The following MLLT6 variants were observed in gnomAD, a reference collection of about 807,000 sequenced individuals.
MLLT6 encodes the protein protein AF-17.
A neutral mutation model predicts 103.0 loss-of-function variants in MLLT6; 22 were observed. That is an observed-to-expected ratio of 0.21 (90% confidence interval 0.15 to 0.31). MLLT6 has a LOEUF of 0.31. Among genes scored for constraint, MLLT6 ranks in the 10% least tolerant of loss-of-function variants. MLLT6 has a pLI of 1.00. For synonymous variants in MLLT6, 606 were observed against 623.5 expected (o/e 0.97, Z 0.42); for missense variants, 1,199 against 1,441.7 (o/e 0.83, Z 2.73).
At chr17:38,720,126 C>A in intron 14 of MLLT6, 1 of 704,964 alleles carries the variant, frequency 1.4e-6, no homozygotes, top group Non-Finnish European at 2.3e-6. Context: ...CTTACCAAAC[C>A]GCAACTTCCG....
At position 38,716,571 on chromosome 17, in the gene MLLT6, C is replaced by G. The variant is rs762854086; in HGVS notation, c.1241C>G (p.Ser414Cys). The change falls in exon 10 of 20, where the codon TCC becomes TGC. Residue 414 changes from serine (S) to cysteine (C), a missense_variant. Transcript: ENST00000621332. This position sits in a 1 kb window ranked among gnomAD's most constrained non-coding sequence, Gnocchi z 5.6. ...ATCATGCGCTTCTCCACCACCACCT[C>G]CAGCTCAGGCCGGGCCCGGGCGCCC... Reference protein sequence around the residue: ...GPIMRFSTTTSSSGRARAPSP... With the variant: ...GPIMRFSTTTCSSGRARAPSP... 88 of 1,614,000 alleles carry G rather than the reference C, an allele frequency of 5.5e-5. No individual in the cohort carries two copies. Among genetic ancestry groups the G allele is most frequent in the Non-Finnish European group, 6.7e-5 (79 of 1,180,050 alleles).
chr17:38,724,250 C>T lies in MLLT6; in HGVS notation c.2884-370C>T, dbSNP rs1377796465. 6.9e-5 allele frequency: 13 copies of T among 189,614 alleles called. No individual in the cohort carries two copies. The highest frequency in any genetic ancestry group is 3.7e-4 in the Admixed American group (6 of 16,356). The allele number at this position is 189,614 out of a possible 1,614,324, so 11.7% of individuals were successfully genotyped here. The stretch of plus-strand genomic sequence containing the variant: ...CAGCCTGGGTGACAGAGCAAGACTC[C>T]GTCTCACAAAAAGAAAAGAAAAGAA... On this transcript the variant is annotated intron_variant, in intron 18 of 19. Transcript: ENST00000621332. This position sits in a 1 kb window ranked among gnomAD's most constrained non-coding sequence, Gnocchi z 5.4.
In MLLT6 at chr17:38,729,129, T is replaced by C. The variant is rs753986914; in HGVS notation, c.*3531T>C. Reference sequence around the variant, plus strand: ...AAAGGGTAACCTCCACGCTTCTCTCTCCCAAATTGGAAATGAAGACAGGTT... The same window carrying C: ...AAAGGGTAACCTCCACGCTTCTCTCCCCCAAATTGGAAATGAAGACAGGTT... On this transcript the variant is annotated 3_prime_UTR_variant, in exon 20 of 20. Coordinates refer to ENST00000621332, the MANE Select transcript of MLLT6 (RefSeq NM_005937.4). 1.7e-5 allele frequency: 4 copies of C among 233,202 alleles called. No homozygotes were observed. The highest frequency in any genetic ancestry group is 3.4e-5 in the Non-Finnish European group (4 of 118,128). 14.4% of individuals were successfully genotyped at this position (233,202 alleles called of 1,614,324 possible).
chr17:38,715,597 TCTC>T lies in MLLT6; in HGVS notation c.820-11_820-9del. ...AGGCACCTGGTGTTGAACCTTCCTC[TCTC>T]CTCTCCTTCAGGTCTCCTCCTCGGC... On this transcript the variant is annotated splice_polypyrimidine_tract_variant and intron_variant, in intron 8 of 19. Transcript: ENST00000621332. 6.2e-7 allele frequency: 1 copy of T among 1,602,436 alleles called. No individual in the cohort carries two copies. Among genetic ancestry groups the T allele is most frequent in the South Asian group, 1.1e-5 (1 of 89,238 alleles).
At chr17:38,720,035 C>T (rs1189222282) in intron 14 of MLLT6, 140 bp downstream of exon 14, 14 of 1,215,988 alleles carry the variant, frequency 1.2e-5, no homozygotes, top group African/African-American at 1.5e-5. Context: ...CGGGCCTCAC[C>T]TCCCATCCCT....
intron 19 of MLLT6, 41 bp downstream of exon 19, chr17:38,725,017 G>A (rs1334906623): frequency 7.5e-7 from 1 of 1,339,924 alleles, no homozygotes. Context: ...CCCCTCTGAG[G>A]GATGGGTAGA....
rs757361635 is a variant in MLLT6, at chr17:38,705,750, G to T, written c.109+9G>T. The T allele has an allele frequency of 2.2e-6, 3 of 1,364,334 alleles. No individual in the cohort carries two copies. The highest frequency in any genetic ancestry group is 2.8e-5 in the East Asian group (1 of 35,556). The allele number at this position is 1,364,334 out of a possible 1,614,324, so 84.5% of individuals were successfully genotyped here. ...CGTGGCCGTCCACCAAGGTACGGGG[G>T]TGGCCCGCGGGGGGCGGCGGGACCC... On this transcript the variant is annotated intron_variant, in intron 1 of 19. Transcript: ENST00000621332.
chr17:38,712,193 T>C (rs1905165495), intron 7 of MLLT6, 179 bp downstream of exon 7: 1 of 867,478 alleles, frequency 1.2e-6, no homozygotes, highest in South Asian at 5.3e-5. Context: ...AGGCGGGAGC[T>C]TGGCTTCCCT....
At chr17:38,721,241 C>T (rs1905716504) in intron 16 of MLLT6, 1 of 174,726 alleles carries the variant, frequency 5.7e-6, no homozygotes, top group South Asian at 1.3e-4. Flanking sequence ...GGTTCTTGTT[C>T]TCTCTCTGCC....
At chr17:38,721,739 C>T in intron 16 of MLLT6, 139 bp from the exon 17 acceptor site, 1 of 559,934 alleles carries the variant, frequency 1.8e-6, no homozygotes, top group Admixed American at 3.8e-5. Flanking sequence ...AGCCCTCATC[C>T]CCGGACCTTG....
At position 38,716,022 on chromosome 17, in the gene MLLT6, C is replaced by CT; in HGVS notation, c.1036+196dup. On this transcript the variant is annotated intron_variant, in intron 9 of 19. Coordinates refer to ENST00000621332, the MANE Select transcript of MLLT6 (RefSeq NM_005937.4). This position sits in a 1 kb window ranked among gnomAD's most constrained non-coding sequence, Gnocchi z 5.6. ...TCTTGAACCAGAACTCTCCTCTCCCCTTCAGGGGCCACCCCACCAACCTCA... is the reference window on the plus strand; with the variant it reads ...TCTTGAACCAGAACTCTCCTCTCCCCTTTCAGGGGCCACCCCACCAACCTCA... 1.6e-6 allele frequency: 1 copy of CT among 626,034 alleles called. No individual in the cohort carries two copies. Among genetic ancestry groups the CT allele is most frequent in the African/African-American group, 1.8e-5 (1 of 54,456 alleles). The allele number at this position is 626,034 out of a possible 1,614,324, so 38.8% of individuals were successfully genotyped here. A position where few individuals can be genotyped will look rare whatever the true frequency, so the allele number is the denominator to read the frequency against.
At position 38,709,541 on chromosome 17, in the gene MLLT6, A is replaced by C; in HGVS notation, c.518A>C (p.Tyr173Ser). The C allele has an allele frequency of 6.2e-7, 1 of 1,614,214 alleles. No individual in the cohort carries two copies. Residue 173 changes from tyrosine to serine, a missense_variant, in exon 6 of 20, where the codon TAC becomes TCC. Tyr to Ser is a moderately radical substitution (Grantham distance 144). This residue lies in a region of MLLT6 where 59 missense variants were observed against 135.1 expected (regional missense o/e 0.44). Transcript: ENST00000621332. This position sits in a 1 kb window ranked among gnomAD's most constrained non-coding sequence, Gnocchi z 4.3. ...GTGCTGGAGGTGGACAACGTCAAGT[A>C]CTGCGGCTACTGCAAATACCACTTC... ...EEVLEVDNVK[Y>S]CGYCKYHFSK...
Position 38,722,808 on chromosome 17 carries a change from CT to C in MLLT6, c.2883+41del, listed in dbSNP as rs1270458458. 3.4e-6 allele frequency: 5 copies of C among 1,460,902 alleles called. No individual in the cohort carries two copies. In the African/African-American group the frequency reaches 4.2e-5, roughly 12 times the overall value. The allele number at this position is 1,460,902 out of a possible 1,614,324, so 90.5% of individuals were successfully genotyped here. A position where few individuals can be genotyped will look rare whatever the true frequency, so the allele number is the denominator to read the frequency against. ...TTCCCTGCCTCAGGTGCCCCTTGGT[CT>C]GCCTGGAAGGGCACATCTCAGAGGA... is the stretch of plus-strand genomic sequence containing the variant. On this transcript the variant is annotated intron_variant, in intron 18 of 19. Coordinates refer to ENST00000621332, the MANE Select transcript of MLLT6 (RefSeq NM_005937.4).
intron 12 of MLLT6, 147 bp from the exon 13 acceptor site, chr17:38,719,370 C>G: frequency 1.4e-6 from 1 of 738,382 alleles, no homozygotes; most frequent in Non-Finnish European, 2.3e-6. Flanking sequence ...GGGCCCTCAG[C>G]GCTGGCCTTG....
chr17:38,708,113 CTTCA>C (rs991499721), intron 4 of MLLT6: 11 of 548,434 alleles, frequency 2.0e-5, no homozygotes, highest in African/African-American at 3.8e-5. Context: ...TTCGCAGTTA[CTTCA>C]TTCATTCATT....
At chr17:38,705,861 G>A (rs1904889859) in intron 1 of MLLT6, 120 bp downstream of exon 1, 1 of 317,170 alleles carries the variant, frequency 3.2e-6, no homozygotes, top group Non-Finnish European at 5.6e-6. Context: ...CCCACCTGAA[G>A]GGAAGGGAGG....
In MLLT6 at chr17:38,706,114, G is replaced by C. The variant is rs892400942; in HGVS notation, c.109+373G>C. On this transcript the variant is annotated intron_variant, in intron 1 of 19. Coordinates refer to ENST00000621332, the MANE Select transcript of MLLT6 (RefSeq NM_005937.4). ...CCCGGCTCCTGGAGGAAGAGGTCAA[G>C]GGGGGGGCGTCATCCCCCCTCGCTT... is the stretch of plus-strand genomic sequence containing the variant. 2.0e-5 allele frequency: 3 copies of C among 152,380 alleles called. No homozygotes were observed. In the East Asian group the frequency reaches 5.8e-4, roughly 29 times the overall value. The allele number at this position is 152,380 out of a possible 1,614,324, so 9.4% of individuals were successfully genotyped here.
chr17:38,710,826 T>C (rs973398322), intron 6 of MLLT6, among the ~76,000 whole-genome samples: 7 of 152,220 alleles, frequency 4.6e-5, no homozygotes, highest in African/African-American at 1.7e-4. Flanking sequence ...GATCATAAGT[T>C]ACGTGGTCAC....
chr17:38,713,774 T>G (rs1462130795), intron 8 of MLLT6: 1 of 152,358 alleles, frequency 6.6e-6, no homozygotes, highest in Non-Finnish European at 1.5e-5. Flanking sequence ...CCCATCCTCC[T>G]CCACTCGCCC....
Sources: allele counts gnomAD v4.1 joint callset (sites outside exome capture counted in the v4.1 genomes callset), GRCh38; gene constraint gnomAD v4.1.1; regional missense constraint gnomAD v4.1.1; non-coding constraint Gnocchi (gnomAD v3.1); transcripts MANE v1.5; gene names NCBI Gene and HGNC (gene_info 2026-07-23, HGNC 2026-07-21).